The following FAR1 variants were observed in gnomAD, a reference collection of about 807,000 sequenced individuals.
The protein encoded by FAR1 is fatty acyl-CoA reductase 1.
FAR1 carries 22 observed loss-of-function variants against 61.1 expected under a neutral mutation model. That is an observed-to-expected ratio of 0.36 (90% CI 0.26 to 0.51). The LOEUF (loss-of-function observed/expected upper bound fraction) is 0.51. FAR1 is among the 20% of genes least tolerant of loss of function. The probability of loss-of-function intolerance (pLI) is 0.95; values close to 1 mark genes in which losing one functional copy is unlikely to be tolerated. For synonymous variants in FAR1, 206 were observed against 209.7 expected (o/e 0.98, Z 0.15); for missense variants, 359 against 626.9 (o/e 0.57, Z 4.56).
chr11:13,711,944 T>C lies in FAR1; in HGVS notation c.785T>C (p.Leu262Pro). 6.2e-7 allele frequency: 1 copy of C among 1,613,382 alleles called. No homozygotes were observed. The highest frequency in any genetic ancestry group is 8.5e-7 in the Non-Finnish European group (1 of 1,179,502). ...TCAACAAAGGCAGGGAAAGGAATTCTTCGAACAATACGTGCCTCCAACAAT... is the reference window on the plus strand; with the variant it reads ...TCAACAAAGGCAGGGAAAGGAATTCCTCGAACAATACGTGCCTCCAACAAT... ...GLFIAAGKGI[L>P]RTIRASNNAL... The change falls in exon 7 of 12, where the codon CTT becomes CCT. Residue 262 changes from leucine to proline, a missense_variant. Around this residue, in one of 2 missense-constraint regions of FAR1, gnomAD observed 344 missense variants for 570.3 expected, o/e 0.60. Coordinates refer to ENST00000354817, the MANE Select transcript of FAR1 (RefSeq NM_032228.6).
At position 13,712,934 on chromosome 11, in the gene FAR1, A is replaced by G. The variant is rs771115174; in HGVS notation, c.888-32A>G. On this transcript the variant is annotated intron_variant, in intron 7 of 11. Coordinates refer to ENST00000354817, the MANE Select transcript of FAR1 (RefSeq NM_032228.6). ...GATTGGATATGTTTGGCCTCTTATT[A>G]TGATTAATTGGTTTCATCTTTGTCT... 36 of 1,591,992 alleles carry G rather than the reference A, an allele frequency of 2.3e-5. No homozygotes were observed. The Admixed American group carries it at 5.7e-4, about 25-fold the overall frequency.
At chr11:13,684,340 C>G (rs1280393366) in intron 1 of FAR1, among the ~76,000 whole-genome samples, 1 of 152,164 alleles carries the variant, frequency 6.6e-6, no homozygotes, top group Admixed American at 6.5e-5. Flanking sequence ...AATTTTTAGA[C>G]TATTTCTGAA....
intron 1 of FAR1, among the ~76,000 whole-genome samples, chr11:13,690,062 G>A (rs1389094156): frequency 6.6e-6 from 1 of 151,898 alleles, no homozygotes; most frequent in Non-Finnish European, 1.5e-5. Context: ...TTTTAGTAGA[G>A]ACGGGGTTTC....
intron 1 of FAR1, among the ~76,000 whole-genome samples, chr11:13,683,754 C>T (rs1046621008): frequency 1.3e-5 from 2 of 151,966 alleles, no homozygotes. Context: ...AGAAAAAACA[C>T]GTAAATGGGC....
chr11:13,700,049 A>G (rs1306023545), intron 2 of FAR1, among the ~76,000 whole-genome samples: 5 of 152,176 alleles, frequency 3.3e-5, no homozygotes, highest in Non-Finnish European at 1.5e-5. Context: ...TTCAAATTCA[A>G]CTTTGTGAAC....
chr11:13,689,673 C>G (rs1848226317), intron 1 of FAR1, among the ~76,000 whole-genome samples: 1 of 152,024 alleles, frequency 6.6e-6, no homozygotes, highest in Non-Finnish European at 1.5e-5. Flanking sequence ...TTGCTAGGTC[C>G]TATGATATGT....
chr11:13,692,918 T>C (rs1486356456), intron 1 of FAR1, among the ~76,000 whole-genome samples: 1 of 152,242 alleles, frequency 6.6e-6, no homozygotes, highest in Non-Finnish European at 1.5e-5. Context: ...CTTTATTTTG[T>C]AGGTATTTTT....
At chr11:13,716,793 GCA>G (rs1848562079) in intron 9 of FAR1, among the ~76,000 whole-genome samples, 2 of 151,916 alleles carry the variant, frequency 1.3e-5, no homozygotes, top group South Asian at 2.1e-4. Context: ...GCCTGACATA[GCA>G]CATTTTTTAA....
chr11:13,713,087 TC>T (rs768545439), intron 8 of FAR1, 54 bp downstream of exon 8: 245 of 1,505,476 alleles, frequency 1.6e-4, no homozygotes, highest in Non-Finnish European at 2.0e-4. Context: ...AGAACCAAGT[TC>T]CCTGAAGTTT....
At chr11:13,714,458 A>T in intron 8 of FAR1, 51 bp from the exon 9 acceptor site, 1 of 1,501,344 alleles carries the variant, frequency 6.7e-7, no homozygotes, top group Non-Finnish European at 9.0e-7. Context: ...TTTTTTCAAA[A>T]CTTCATTACA....
intron 1 of FAR1, among the ~76,000 whole-genome samples, chr11:13,689,813 AG>A (rs1008123909): frequency 1.3e-5 from 2 of 149,814 alleles, no homozygotes; most frequent in African/African-American, 4.9e-5. Flanking sequence ...GGGATCACAT[AG>A]GGGTTTTAAC....
chr11:13,681,177 G>A (rs1848122423), intron 1 of FAR1, among the ~76,000 whole-genome samples: 1 of 152,106 alleles, frequency 6.6e-6, no homozygotes, highest in Non-Finnish European at 1.5e-5. Flanking sequence ...AGGTTATTGG[G>A]TAGACAGAAT....
In FAR1 at chr11:13,707,885, T is replaced by C; in HGVS notation, c.366-15T>C. 2.0e-6 allele frequency: 3 copies of C among 1,474,950 alleles called. No individual in the cohort carries two copies. The highest frequency in any genetic ancestry group is 1.5e-5 in the South Asian group (1 of 67,748). 91.4% of individuals were successfully genotyped at this position (1,474,950 alleles called of 1,614,324 possible). A position where few individuals can be genotyped will look rare whatever the true frequency, so the allele number is the denominator to read the frequency against. On this transcript the variant is annotated splice_polypyrimidine_tract_variant and intron_variant, in intron 3 of 11. Transcript: ENST00000354817. ...GCTTCCCAATTTTCTATTGTCACTT[T>C]TTCTTTTTAAACAGAGATGCTGTTC...
At chr11:13,713,692 A>AT (rs1287697129) in intron 8 of FAR1, among the ~76,000 whole-genome samples, 1 of 152,080 alleles carries the variant, frequency 6.6e-6, no homozygotes, top group Non-Finnish European at 1.5e-5. Context: ...TAATTGATTA[A>AT]TTACCCCTGC....
At chr11:13,691,441 G>A (rs1848248531) in intron 1 of FAR1, among the ~76,000 whole-genome samples, 1 of 152,166 alleles carries the variant, frequency 6.6e-6, no homozygotes, top group Non-Finnish European at 1.5e-5. Flanking sequence ...AGTACATTCA[G>A]TGTTGTGCAA....
At chr11:13,711,315 G>A (rs573427584) in intron 5 of FAR1, among the ~76,000 whole-genome samples, 1 of 152,202 alleles carries the variant, frequency 6.6e-6, no homozygotes, top group South Asian at 2.1e-4. Context: ...CTAGGTCTGT[G>A]TAATGGTAGT....
At chr11:13,678,648 G>T (rs1245727325) in intron 1 of FAR1, among the ~76,000 whole-genome samples, 1 of 152,092 alleles carries the variant, frequency 6.6e-6, no homozygotes, top group Non-Finnish European at 1.5e-5. Context: ...TAATCCTTGA[G>T]CTTCTCATGA....
At chr11:13,702,221 T>G (rs1005615273) in intron 3 of FAR1, among the ~76,000 whole-genome samples, 3 of 152,146 alleles carry the variant, frequency 2.0e-5, no homozygotes, top group Admixed American at 6.5e-5. Flanking sequence ...CATATATGTG[T>G]AGATGTATTT....
intron 1 of FAR1, among the ~76,000 whole-genome samples, chr11:13,687,924 G>A (rs1364147545): frequency 8.3e-6 from 1 of 119,992 alleles, no homozygotes; most frequent in Admixed American, 1.1e-4. Flanking sequence ...ACAGGAAGGG[G>A]AACATCACAC....
Sources: gnomAD v4.1 joint callset for allele counts (sites outside exome capture counted in the v4.1 genomes callset) on GRCh38, gnomAD v4.1.1 for gene constraint, gnomAD v4.1.1 regional missense constraint, MANE v1.5 for transcripts, NCBI Gene and HGNC (gene_info 2026-07-23, HGNC 2026-07-21) for gene names.